Variants in PACS2 observed in about 807,000 individuals in gnomAD.
The protein encoded by PACS2 is PACS1-like protein.
A neutral mutation model predicts 113.0 loss-of-function variants in PACS2; 36 were observed. That is an observed-to-expected ratio of 0.32 (90% CI 0.24 to 0.42). The LOEUF is 0.42. Among genes scored for constraint, PACS2 ranks in the 10% least tolerant of loss-of-function variants. PACS2 has a pLI of 1.00. For missense variants in PACS2, 1,015 were observed against 1,239.5 expected, an observed-to-expected ratio of 0.82 and a Z score of 2.72; for synonymous variants, 589 against 536.1, an observed-to-expected ratio of 1.10 and a Z score of -1.36.
chr14:105,375,897 C>T (rs1270213366), intron 8 of PACS2, among the ~76,000 whole-genome samples: 4 of 152,186 alleles, frequency 2.6e-5, no homozygotes, highest in South Asian at 2.1e-4. Flanking sequence ...CACTCAGTGG[C>T]GCACTGCAGA....
intron 1 of PACS2, among the ~76,000 whole-genome samples, chr14:105,326,994 A>G (rs867314810): frequency 2.0e-5 from 3 of 152,168 alleles, no homozygotes; most frequent in South Asian, 4.2e-4. Flanking sequence ...AAGTTAAGTC[A>G]CTACACCCGA....
chr14:105,361,258 C>T (rs1422939079), intron 4 of PACS2, among the ~76,000 whole-genome samples: 1 of 152,224 alleles, frequency 6.6e-6, no homozygotes, highest in Non-Finnish European at 1.5e-5. Context: ...CTTTGGGAGG[C>T]CAAGGTGGGC....
rs587655572 is a variant in PACS2 at position 105,308,519 on chromosome 14, G to A, written c.-83+7540G>A. 1.1e-4 allele frequency among the ~76,000 whole-genome samples: 15 copies of A among 135,340 alleles called. No homozygotes were observed. In the East Asian group the frequency reaches 3.2e-3, roughly 29 times the overall value. The allele number at this position is 135,340 out of a possible 152,430, so 88.8% of individuals were successfully genotyped here. ...TTTTTTTGAGATGGAGTCTTGCTCT[G>A]TCGTCCGGGCTGGAGTGCAGTGGTG... is the stretch of plus-strand genomic sequence containing the variant. On this transcript the variant is annotated intron_variant, in intron 1 of 23. Coordinates refer to the PACS2 transcript ENST00000430725.
intron 1 of PACS2, among the ~76,000 whole-genome samples, chr14:105,307,824 G>C (rs1196868405): frequency 6.6e-6 from 1 of 152,230 alleles, no homozygotes; most frequent in African/African-American, 2.4e-5. Flanking sequence ...GCAAGTCCCT[G>C]TTCCTGTCTG....
In PACS2 at chr14:105,359,555, A is replaced by G. The variant is rs1450565088; in HGVS notation, c.423+4378A>G. ...ACTCCTGACCTCAAGTGATCTGTCTATCTGGGCCTCCCAAAGTGTTGGTAT... is the reference window on the plus strand; with the variant it reads ...ACTCCTGACCTCAAGTGATCTGTCTGTCTGGGCCTCCCAAAGTGTTGGTAT... On this transcript the variant is annotated intron_variant, in intron 4 of 24. Coordinates refer to ENST00000447393, the MANE Select transcript of PACS2 (RefSeq NM_001100913.3). 5.7e-5 allele frequency among the ~76,000 whole-genome samples: 8 copies of G among 141,582 alleles called. No individual in the cohort carries two copies. The South Asian group carries it at 9.0e-4, about 16-fold the overall frequency. The allele number at this position is 141,582 out of a possible 152,430, so 92.9% of individuals were successfully genotyped here. A position where few individuals can be genotyped will look rare whatever the true frequency, so the allele number is the denominator to read the frequency against.
chr14:105,345,093 A>T (rs927173974), intron 1 of PACS2, among the ~76,000 whole-genome samples: 69 of 148,444 alleles, frequency 4.6e-4, no homozygotes, highest in African/African-American at 1.7e-3. Context: ...TGGGCAACAC[A>T]GTGTGACTCC....
chr14:105,353,556 G>C (rs2060317364), intron 3 of PACS2, among the ~76,000 whole-genome samples: 1 of 152,064 alleles, frequency 6.6e-6, no homozygotes, highest in African/African-American at 2.4e-5. Context: ...TAGAAGATTT[G>C]TATTTGTTTA....
chr14:105,363,812 T>C (rs1371009623), intron 4 of PACS2, among the ~76,000 whole-genome samples: 1 of 152,178 alleles, frequency 6.6e-6, no homozygotes, highest in Non-Finnish European at 1.5e-5. Flanking sequence ...CAGTCATTTC[T>C]AGGTTCTCAT....
At chr14:105,378,746 T>C (rs2080873529) in intron 9 of PACS2, among the ~76,000 whole-genome samples, 1 of 152,256 alleles carries the variant, frequency 6.6e-6, no homozygotes, top group Non-Finnish European at 1.5e-5. Flanking sequence ...TTTTAAGTCT[T>C]ATTGAATCTG....
intron 1 of PACS2, among the ~76,000 whole-genome samples, chr14:105,342,085 G>A (rs2059747532): frequency 6.6e-6 from 1 of 152,196 alleles, no homozygotes; most frequent in Non-Finnish European, 1.5e-5. Flanking sequence ...TGAGTGGTGA[G>A]GAAGGGAAAT....
chr14:105,321,881 G>T (rs964488486), intron 1 of PACS2, among the ~76,000 whole-genome samples: 7 of 150,496 alleles, frequency 4.7e-5, no homozygotes, highest in Admixed American at 3.3e-4. Flanking sequence ...TTACATATTA[G>T]ATGTGTCTTT....
intron 2 of PACS2, among the ~76,000 whole-genome samples, chr14:105,349,765 G>A (rs1281132386): frequency 5.3e-5 from 8 of 152,282 alleles, no homozygotes; most frequent in African/African-American, 1.7e-4. Context: ...CAGGTTCCCC[G>A]GGTGGTGGGG....
At chr14:105,311,812 C>G (rs887358201), upstream of PACS2, among the ~76,000 whole-genome samples, 29 of 152,312 alleles carry the variant, frequency 1.9e-4, no homozygotes, top group Admixed American at 1.6e-3. Flanking sequence ...GGAGGAGGGC[C>G]CTGCTGTACC....
Position 105,355,179 on chromosome 14 carries a change from T to C in PACS2, c.423+2T>C, listed in dbSNP as rs111332106. ...GCGGGCTCCATCAGCATGGCTGAGG[T>C]GAGTGCTCCGTCTGGCGTGGCCTGC... is the stretch of plus-strand genomic sequence containing the variant. On this transcript the variant is annotated splice_donor_variant, in intron 4 of 24. Coordinates refer to ENST00000447393, the MANE Select transcript of PACS2 (RefSeq NM_001100913.3). LOFTEE classifies it high-confidence loss of function. This position sits in a 1 kb window ranked among gnomAD's most constrained non-coding sequence, Gnocchi z 4.1. The C allele has an allele frequency of 1.2e-6, 2 of 1,612,770 alleles. No homozygotes were observed. Among genetic ancestry groups the C allele is most frequent in the Non-Finnish European group, 1.7e-6 (2 of 1,179,718 alleles).
At chr14:105,327,147 T>C (rs1425778992) in intron 1 of PACS2, among the ~76,000 whole-genome samples, 1 of 152,166 alleles carries the variant, frequency 6.6e-6, no homozygotes, top group Admixed American at 6.5e-5. Flanking sequence ...GAAGAACAGC[T>C]GCAAGGCCAC....
intron 15 of PACS2, 197 bp downstream of exon 15, chr14:105,383,110 C>T (rs1366358693): frequency 8.0e-6 from 5 of 624,286 alleles, no homozygotes; most frequent in Non-Finnish European, 1.4e-5. Flanking sequence ...TGGTGGGTGT[C>T]CTGCCACACT....
rs1479524040 is a variant in PACS2 at position 105,324,593 on chromosome 14, G to A, written c.119+9556G>A. On this transcript the variant is annotated intron_variant, in intron 1 of 24. Transcript: ENST00000447393. This position sits in a 1 kb window ranked among gnomAD's most constrained non-coding sequence, Gnocchi z 4.7. ...CCTTTCTGCTCCGCAGGCGCGCGCC[G>A]ATGTGTGCTCAGCTCAGGCCGACTT... Among the ~76,000 whole-genome samples, 3 of 152,186 alleles carry A rather than the reference G, an allele frequency of 2.0e-5. No homozygotes were observed. Among genetic ancestry groups the A allele is most frequent in the African/African-American group, 7.2e-5 (3 of 41,454 alleles).
chr14:105,393,997 C>T (rs1180693104), intron 24 of PACS2, among the ~76,000 whole-genome samples: 1 of 148,100 alleles, frequency 6.8e-6, no homozygotes, highest in African/African-American at 2.6e-5. Flanking sequence ...GAGATTGCGC[C>T]ACTGCACTCC....
intron 1 of PACS2, among the ~76,000 whole-genome samples, chr14:105,307,768 G>A (rs918042798): frequency 3.9e-5 from 6 of 152,322 alleles, no homozygotes; most frequent in Middle Eastern, 3.4e-3. Context: ...CTAGCACTGC[G>A]GAGTATGATG....
Sources: gnomAD v4.1 joint callset for allele counts (sites outside exome capture counted in the v4.1 genomes callset) on GRCh38, gnomAD v4.1.1 for gene constraint, Gnocchi (gnomAD v3.1) non-coding constraint, MANE v1.5 for transcripts, NCBI Gene and HGNC (gene_info 2026-07-23, HGNC 2026-07-21) for gene names.